Variants in DPYD observed in about 807,000 individuals in gnomAD.
DPYD encodes the protein dihydropyrimidine dehydrogenase [NADP(+)].
DPYD carries 109 observed loss-of-function variants against 116.2 expected under a neutral mutation model. That is an observed-to-expected ratio of 0.94 (90% confidence interval 0.80 to 1.10). DPYD has a LOEUF of 1.10. Among genes scored for constraint, DPYD ranks in the 50% least tolerant of loss-of-function variants. The pLI, the probability that DPYD is intolerant of heterozygous loss-of-function variation, is 0.00. For missense variants in DPYD, 1,302 were observed against 1,254.5 expected (o/e 1.04, Z -0.57); for synonymous variants, 440 against 432.0 (o/e 1.02, Z -0.23).
intron 19 of DPYD, among the ~76,000 whole-genome samples, chr1:97,215,406 G>A (rs1660311629): frequency 6.6e-6 from 1 of 152,094 alleles, no homozygotes; most frequent in African/African-American, 2.4e-5. Flanking sequence ...AGTAGCTTCT[G>A]GAAAAGGTCA....
At chr1:97,668,405 C>G (rs1659678488) in intron 8 of DPYD, among the ~76,000 whole-genome samples, 1 of 152,026 alleles carries the variant, frequency 6.6e-6, no homozygotes, top group African/African-American at 2.4e-5. Context: ...TCCAAAATTA[C>G]TTTGTGAGAA....
intron 18 of DPYD, among the ~76,000 whole-genome samples, chr1:97,269,822 C>T (rs1664461727): frequency 6.6e-6 from 1 of 152,166 alleles, no homozygotes. Context: ...AATACAGTCA[C>T]ATTGGAGGTT....
chr1:97,292,197 C>A (rs1251798194), intron 18 of DPYD, among the ~76,000 whole-genome samples: 8 of 152,084 alleles, frequency 5.3e-5, no homozygotes, highest in Non-Finnish European at 8.8e-5. Flanking sequence ...ATACTAAAGA[C>A]TTCAGTGACC....
chr1:97,770,772 ATATTT>A (rs963658634), intron 3 of DPYD, among the ~76,000 whole-genome samples: 1 of 152,188 alleles, frequency 6.6e-6, no homozygotes, highest in African/African-American at 2.4e-5. Context: ...TCTCTTTCAA[ATATTT>A]TATTTTTTAA....
At chr1:97,812,609 A>C (rs1248734724) in intron 3 of DPYD, among the ~76,000 whole-genome samples, 1 of 152,098 alleles carries the variant, frequency 6.6e-6, no homozygotes, top group East Asian at 1.9e-4. Context: ...AAAATATAAA[A>C]CTTGGCTTAT....
At chr1:97,518,054 T>C (rs1267079839) in intron 12 of DPYD, among the ~76,000 whole-genome samples, 1 of 152,174 alleles carries the variant, frequency 6.6e-6, no homozygotes, top group Non-Finnish European at 1.5e-5. Flanking sequence ...AATAAGTAAT[T>C]GCTTTGAAAT....
At chr1:97,341,285 A>G (rs1012453465) in intron 16 of DPYD, among the ~76,000 whole-genome samples, 2 of 151,014 alleles carry the variant, frequency 1.3e-5, no homozygotes, top group Non-Finnish European at 2.9e-5. Flanking sequence ...ACATGCGGAC[A>G]TGTATATTGA....
At chr1:97,867,216 T>TCAACACTATCTAGATACCTATCAA (rs1553253251) in intron 2 of DPYD, among the ~76,000 whole-genome samples, 2 of 151,776 alleles carry the variant, frequency 1.3e-5, no homozygotes, top group Non-Finnish European at 2.9e-5. Flanking sequence ...CTTCTGTCAG[T>TCAACACTATCTAGATACCTATCAA]CTGATATTGG....
chr1:97,191,027 C>T (rs1435252028), intron 20 of DPYD, among the ~76,000 whole-genome samples: 1 of 151,760 alleles, frequency 6.6e-6, no homozygotes, highest in Admixed American at 6.6e-5. Context: ...AATGATAGGA[C>T]AATGTGAGTT....
intron 8 of DPYD, among the ~76,000 whole-genome samples, chr1:97,631,660 C>T (rs1287886143): frequency 6.6e-6 from 1 of 151,916 alleles, no homozygotes; most frequent in African/African-American, 2.4e-5. Context: ...ATGCTTTACT[C>T]AGGAAAAGAC....
intron 16 of DPYD, among the ~76,000 whole-genome samples, chr1:97,367,394 A>G (rs1433536010): frequency 6.6e-6 from 1 of 152,160 alleles, no homozygotes; most frequent in Non-Finnish European, 1.5e-5. Flanking sequence ...ATCTTTAAAA[A>G]TCAATTTTAA....
chr1:97,661,595 T>C (rs1016094244), intron 8 of DPYD, among the ~76,000 whole-genome samples: 3 of 151,862 alleles, frequency 2.0e-5, no homozygotes, highest in South Asian at 2.1e-4. Flanking sequence ...TATATAGAAA[T>C]CCAGGAACAA....
rs149582742 is a variant in DPYD, at chr1:97,223,327, G to A, written c.2442+11525C>T. On this transcript the variant is annotated intron_variant, in intron 19 of 22. Coordinates refer to ENST00000370192, the MANE Select transcript of DPYD (RefSeq NM_000110.4). ...AATGCCCACTATGCTTCATCTTTCC[G>A]TTATATTTCAGGATTTTCTATTAAC... 8.6e-5 allele frequency among the ~76,000 whole-genome samples: 13 copies of A among 151,188 alleles called. No homozygotes were observed. In the East Asian group the frequency reaches 1.8e-3, roughly 20 times the overall value.
chr1:97,524,480 T>C (rs1461329259), intron 12 of DPYD, among the ~76,000 whole-genome samples: 5 of 152,154 alleles, frequency 3.3e-5, no homozygotes, highest in African/African-American at 1.2e-4. Flanking sequence ...AAGGGGCTTG[T>C]GGTAAAGTGT....
At chr1:97,638,746 G>C (rs1255345075) in intron 8 of DPYD, among the ~76,000 whole-genome samples, 2 of 152,066 alleles carry the variant, frequency 1.3e-5, no homozygotes, top group Admixed American at 6.6e-5. Context: ...GTGAGAGAGA[G>C]AGCAAGAGAG....
chr1:97,436,111 C>T (rs1675457037), intron 14 of DPYD, among the ~76,000 whole-genome samples: 1 of 151,952 alleles, frequency 6.6e-6, no homozygotes, highest in South Asian at 2.1e-4. Context: ...ACAATTGTTA[C>T]AGTTTTCACA....
intron 3 of DPYD, among the ~76,000 whole-genome samples, chr1:97,785,774 A>G (rs1666984711): frequency 7.1e-6 from 1 of 140,706 alleles, no homozygotes; most frequent in Admixed American, 7.5e-5. Context: ...CTCACTGCAA[A>G]CTCCACCTCC....
chr1:97,586,499 T>C (rs1265771256), intron 10 of DPYD, among the ~76,000 whole-genome samples: 4 of 121,452 alleles, frequency 3.3e-5, no homozygotes, highest in Admixed American at 1.6e-4. Flanking sequence ...TATATATATA[T>C]ATATATATAT....
chr1:97,311,982 A>G (rs1667548404), intron 16 of DPYD, among the ~76,000 whole-genome samples: 1 of 151,794 alleles, frequency 6.6e-6, no homozygotes, highest in South Asian at 2.1e-4. Flanking sequence ...AGGGTGGGAC[A>G]TATAGGGAGC....
Sources: allele counts gnomAD v4.1 joint callset (sites outside exome capture counted in the v4.1 genomes callset), GRCh38; gene constraint gnomAD v4.1.1; transcripts MANE v1.5; gene names NCBI Gene and HGNC (gene_info 2026-07-23, HGNC 2026-07-21).